Variants in GABRB1 observed in about 807,000 individuals in gnomAD.
GABRB1 encodes gamma-aminobutyric acid receptor subunit beta-1.
A neutral mutation model predicts 51.6 loss-of-function variants in GABRB1; 17 were observed. The ratio of observed to expected loss-of-function variants is 0.33; its 90% CI spans 0.23 to 0.49. GABRB1 has a LOEUF of 0.49. Ranked by LOEUF, GABRB1 falls within the 20% of genes least tolerant of loss-of-function variation. GABRB1 has a pLI of 0.99. For missense variants in GABRB1, 410 were observed against 600.6 expected (o/e 0.68, Z 3.32); for synonymous variants, 247 against 218.9 (o/e 1.13, Z -1.14).
chr4:47,199,461 A>G (rs763198865), intron 4 of GABRB1, among the ~76,000 whole-genome samples: 10 of 152,186 alleles, frequency 6.6e-5, no homozygotes, highest in Non-Finnish European at 1.5e-4. Context: ...ATCCCTGTGT[A>G]GGAGCCTCTT....
intron 3 of GABRB1, among the ~76,000 whole-genome samples, chr4:47,081,751 CT>C (rs1346118807): frequency 1.3e-5 from 2 of 151,972 alleles, no homozygotes; most frequent in Admixed American, 6.6e-5. Flanking sequence ...CGTCTACTGG[CT>C]TTTTTGCATA....
intron 8 of GABRB1, among the ~76,000 whole-genome samples, chr4:47,417,574 AG>A (rs1728971246): frequency 6.6e-6 from 1 of 152,134 alleles, no homozygotes; most frequent in Admixed American, 6.5e-5. Flanking sequence ...GGGAAGATGA[AG>A]GCTGGGCTGT....
intron 3 of GABRB1, among the ~76,000 whole-genome samples, chr4:47,153,871 A>G: frequency 6.6e-6 from 1 of 152,110 alleles, no homozygotes. Context: ...TCCCTGAAGC[A>G]CACACTAGGC....
upstream of GABRB1, chr4:47,031,526 T>A: frequency 1.4e-6 from 1 of 728,274 alleles, no homozygotes; most frequent in Non-Finnish European, 2.4e-6. Flanking sequence ...AGGCACAAGG[T>A]GTCTTTTGGT....
intron 4 of GABRB1, among the ~76,000 whole-genome samples, chr4:47,278,719 A>G (rs1044783062): frequency 2.6e-5 from 4 of 152,252 alleles, no homozygotes; most frequent in Admixed American, 2.6e-4. Context: ...TTCTTTTCTC[A>G]TGTGATGCCA....
At chr4:47,241,904 T>G (rs1303087651) in intron 4 of GABRB1, among the ~76,000 whole-genome samples, 3 of 152,202 alleles carry the variant, frequency 2.0e-5, no homozygotes, top group Admixed American at 1.3e-4. Context: ...TTTTTTATTA[T>G]ACTTTAAGTT....
chr4:47,096,886 C>A (rs573011429), intron 3 of GABRB1, among the ~76,000 whole-genome samples: 19 of 152,160 alleles, frequency 1.2e-4, no homozygotes, highest in Non-Finnish European at 2.8e-4. Flanking sequence ...AGGAGCACAG[C>A]CCTGCACGGG....
chr4:47,260,875 G>C (rs1486427939), intron 4 of GABRB1, among the ~76,000 whole-genome samples: 1 of 152,028 alleles, frequency 6.6e-6, no homozygotes, highest in African/African-American at 2.4e-5. Flanking sequence ...TTCATCCCTG[G>C]GATGCAAGAC....
chr4:47,029,460 A>G (rs950142961), upstream of GABRB1, among the ~76,000 whole-genome samples: 4 of 151,610 alleles, frequency 2.6e-5, no homozygotes, highest in Non-Finnish European at 4.4e-5. Flanking sequence ...ATTTCTTTAT[A>G]CAAACCTTCT....
At chr4:47,225,986 A>G (rs1438980034) in intron 4 of GABRB1, among the ~76,000 whole-genome samples, 1 of 152,094 alleles carries the variant, frequency 6.6e-6, no homozygotes, top group Non-Finnish European at 1.5e-5. Flanking sequence ...CCACTTTATC[A>G]TGACCAGATC....
At position 47,300,234 on chromosome 4, in the gene GABRB1, G is replaced by C. The variant is rs534633051; in HGVS notation, c.462-19893G>C. On this transcript the variant is annotated intron_variant, in intron 4 of 8. Transcript: ENST00000295454. ...GTGCACATGTATCCTAAGACCTAAA[G>C]TATAATAATAATGAAATTAAAATTA... 5.9e-5 allele frequency among the ~76,000 whole-genome samples: 9 copies of C among 151,778 alleles called. No homozygotes were observed. In the East Asian group the frequency reaches 1.7e-3, roughly 29 times the overall value.
rs189222928 is a variant in GABRB1 at position 47,023,809 on chromosome 4, A to C, written c.-19-8105A>C. Among the ~76,000 whole-genome samples the C allele has an allele frequency of 5.7e-3, 865 of 152,138 alleles. 3 individuals are homozygous for C. Among genetic ancestry groups the C allele is most frequent in the Non-Finnish European group, 9.5e-3 (644 of 67,884 alleles). ...TATACACTTGCTGTGTACCAACACA[A>C]ATTAAAAACAGAAAAATGAAAAAAA... is the stretch of plus-strand genomic sequence containing the variant. On this transcript the variant is annotated intron_variant, in intron 1 of 3. Coordinates refer to the GABRB1 transcript ENST00000513567.
chr4:47,009,838 G>A (rs906883078), intron 1 of GABRB1, among the ~76,000 whole-genome samples: 4 of 152,114 alleles, frequency 2.6e-5, no homozygotes, highest in Admixed American at 6.5e-5. Context: ...AGCCTGGAAC[G>A]GAAATAAATA....
chr4:47,304,165 C>T (rs113486670), intron 4 of GABRB1, among the ~76,000 whole-genome samples: 2,600 of 152,014 alleles, frequency 0.017, 30 homozygotes, highest in Non-Finnish European at 0.029. Context: ...ACCCAGTAGA[C>T]GGATTGCAGG....
At chr4:47,203,806 C>A (rs527544587) in intron 4 of GABRB1, among the ~76,000 whole-genome samples, 2 of 152,086 alleles carry the variant, frequency 1.3e-5, no homozygotes, top group East Asian at 3.9e-4. Flanking sequence ...GGAGGCAAAA[C>A]CTCACTCCTG....
chr4:47,242,328 A>G (rs947423288), intron 4 of GABRB1, among the ~76,000 whole-genome samples: 2 of 152,194 alleles, frequency 1.3e-5, no homozygotes, highest in Non-Finnish European at 2.9e-5. Context: ...GCTATTGTGT[A>G]TAGTGCCGCA....
At chr4:47,279,849 T>C (rs947967227) in intron 4 of GABRB1, among the ~76,000 whole-genome samples, 1 of 151,550 alleles carries the variant, frequency 6.6e-6, no homozygotes, top group Non-Finnish European at 1.5e-5. Context: ...GTTTGGTCTT[T>C]TTTTTTTTTT....
At chr4:47,247,370 T>C (rs1045982980) in intron 4 of GABRB1, among the ~76,000 whole-genome samples, 34 of 152,166 alleles carry the variant, frequency 2.2e-4, no homozygotes, top group African/African-American at 8.2e-4. Context: ...TTCTGTTCCA[T>C]TGGTCTGTGT....
chr4:47,153,586 C>G (rs945868704), intron 3 of GABRB1, among the ~76,000 whole-genome samples: 3 of 152,006 alleles, frequency 2.0e-5, no homozygotes, highest in African/African-American at 7.2e-5. Flanking sequence ...GTTTCATATA[C>G]TGAGTCTCAT....
Sources: gnomAD v4.1 joint callset for allele counts (sites outside exome capture counted in the v4.1 genomes callset) on GRCh38, gnomAD v4.1.1 for gene constraint, MANE v1.5 for transcripts, NCBI Gene and HGNC (gene_info 2026-07-23, HGNC 2026-07-21) for gene names.